Variants in SNAPC1 observed in about 807,000 individuals in gnomAD.
SNAPC1 encodes the protein snRNA-activating protein complex subunit 1.
A neutral mutation model predicts 50.1 loss-of-function variants in SNAPC1; 42 were observed. The observed-to-expected ratio is 0.84, with a 90% CI of 0.65 to 1.08. SNAPC1 has a LOEUF of 1.08. Among genes scored for constraint, SNAPC1 ranks in the 50% least tolerant of loss-of-function variants. The pLI is 0.00. For synonymous variants in SNAPC1, 164 were observed against 144.2 expected (o/e 1.14, Z -0.98); for missense variants, 477 against 427.3 (o/e 1.12, Z -1.02).
chr14:61,772,181 C>T (rs1421271414), intron 4 of SNAPC1, among the ~76,000 whole-genome samples: 1 of 152,114 alleles, frequency 6.6e-6, no homozygotes, highest in East Asian at 1.9e-4. Flanking sequence ...ACTGCACCCT[C>T]AGTCTCCTGG....
intron 8 of SNAPC1, among the ~76,000 whole-genome samples, chr14:61,785,550 C>G (rs2045109736): frequency 6.6e-6 from 1 of 152,160 alleles, no homozygotes; most frequent in South Asian, 2.1e-4. Context: ...AAGGATGTGC[C>G]TGTGATACAA....
intron 1 of SNAPC1, among the ~76,000 whole-genome samples, chr14:61,763,141 GGCAC>G (rs987149623): frequency 2.0e-5 from 3 of 151,416 alleles, no homozygotes; most frequent in African/African-American, 7.3e-5. Context: ...ACAGGTGCCC[GGCAC>G]CACGCCCGGT....
chr14:61,779,433 CTG>C (rs1186278899), intron 7 of SNAPC1, among the ~76,000 whole-genome samples: 17 of 151,912 alleles, frequency 1.1e-4, no homozygotes, highest in Non-Finnish European at 1.0e-4. Flanking sequence ...TTTCCAGTCT[CTG>C]TCTCATTTTC....
At position 61,778,119 on chromosome 14, in the gene SNAPC1, A is replaced by G. The variant is rs2274012; in HGVS notation, c.741A>G (p.Glu247=). 1.9e-3 allele frequency: 3,061 copies of G among 1,604,518 alleles called. 54 individuals carry two copies. The East Asian group carries it at 0.041, about 21-fold the overall frequency. The part of the protein sequence containing the change: ...SKTNDGEEKM[E]GNSQETERCE... ...CTAATGATGGAGAAGAAAAAATGGA[A>G]GGAAATTCACAAGAAACGGAGGTCA... The change falls in exon 6 of 10, where the codon GAA becomes GAG. Residue 247 remains glutamate (E), a synonymous_variant. Transcript: ENST00000216294.
intron 1 of SNAPC1, among the ~76,000 whole-genome samples, chr14:61,765,278 T>C (rs1242378350): frequency 6.6e-6 from 1 of 152,202 alleles, no homozygotes; most frequent in Non-Finnish European, 1.5e-5. Context: ...AGAAAATATA[T>C]GTGAACCTCG....
chr14:61,793,771 C>A (rs1291767754), intron 9 of SNAPC1, among the ~76,000 whole-genome samples: 1 of 151,758 alleles, frequency 6.6e-6, no homozygotes, highest in Non-Finnish European at 1.5e-5. Flanking sequence ...ATTCTCCTGC[C>A]TCAGCCTCCC....
At chr14:61,771,299 T>C (rs1298178742) in intron 4 of SNAPC1, among the ~76,000 whole-genome samples, 1 of 152,178 alleles carries the variant, frequency 6.6e-6, no homozygotes, top group Admixed American at 6.5e-5. Context: ...TATCCGTGAT[T>C]TAAAGTTGAG....
chr14:61,763,485 GC>G lies in SNAPC1; in HGVS notation c.128+898del, dbSNP rs1168642851. 8.9e-3 allele frequency among the ~76,000 whole-genome samples: 757 copies of G among 85,486 alleles called. 4 individuals are homozygous for G. The highest frequency in any genetic ancestry group is 0.032 in the Admixed American group (179 of 5,580). The allele number at this position is 85,486 out of a possible 152,430, so 56.1% of individuals were successfully genotyped here. ...CACTCACTTTCTTGCTCCAGCAGCT[GC>G]TTTTTTTTTTTTTTTTTTTTCTTTG... On this transcript the variant is annotated intron_variant, in intron 1 of 9. Coordinates refer to ENST00000216294, the MANE Select transcript of SNAPC1 (RefSeq NM_003082.4).
intron 1 of SNAPC1, 81 bp downstream of exon 1, chr14:61,762,669 C>T: frequency 1.3e-6 from 2 of 1,530,656 alleles, no homozygotes; most frequent in Non-Finnish European, 1.8e-6. Flanking sequence ...CGATATTGCA[C>T]TTGTGAAGGG....
chr14:61,784,785 G>C (rs1188310326), intron 8 of SNAPC1, among the ~76,000 whole-genome samples: 1 of 152,188 alleles, frequency 6.6e-6, no homozygotes, highest in African/African-American at 2.4e-5. Context: ...AGTGCCTCAT[G>C]TTCAATGGTA....
intron 7 of SNAPC1, among the ~76,000 whole-genome samples, chr14:61,779,752 A>G (rs1594648246): frequency 8.1e-6 from 1 of 123,114 alleles, no homozygotes; most frequent in African/African-American, 3.1e-5. Context: ...CTTGTTGCCC[A>G]GGCTGGAGTG....
chr14:61,796,375 C>A lies in SNAPC1; in HGVS notation c.*1392C>A, dbSNP rs1161488444. ...AATTCGTGATATCTCTATATCTAATCTTTAAAAATCAGAATGCTAATGCTG... is the reference window on the plus strand; with the variant it reads ...AATTCGTGATATCTCTATATCTAATATTTAAAAATCAGAATGCTAATGCTG... On this transcript the variant is annotated 3_prime_UTR_variant, in exon 10 of 10. Transcript: ENST00000216294. 6.6e-6 allele frequency: 1 copy of A among 151,970 alleles called. No homozygotes were observed. The highest frequency in any genetic ancestry group is 1.9e-4 in the East Asian group (1 of 5,190). The allele number at this position is 151,970 out of a possible 1,614,324, so 9.4% of individuals were successfully genotyped here.
At chr14:61,778,360 T>C (rs926192032) in intron 6 of SNAPC1, among the ~76,000 whole-genome samples, 4 of 152,240 alleles carry the variant, frequency 2.6e-5, no homozygotes, top group African/African-American at 9.6e-5. Context: ...AAAGCTTGAC[T>C]ATGGAAAGTG....
At chr14:61,777,738 A>G (rs1005564709) in intron 5 of SNAPC1, among the ~76,000 whole-genome samples, 1 of 151,918 alleles carries the variant, frequency 6.6e-6, no homozygotes, top group South Asian at 2.1e-4. Flanking sequence ...GCCACCATGC[A>G]TAGCTAGTAT....
rs58782943 is a variant in SNAPC1, at chr14:61,773,397, G to GTT, written c.535-2676_535-2675dup. The stretch of plus-strand genomic sequence containing the variant: ...CTGCAGAGAAGGTGGTATTTCCTTA[G>GTT]TTTTTTTTTTTTTTTTTTTTTTTGA... On this transcript the variant is annotated intron_variant, in intron 4 of 9. Transcript: ENST00000216294. Among the ~76,000 whole-genome samples the GTT allele has an allele frequency of 8.7e-3, 865 of 99,224 alleles. 3 individuals are homozygous for GTT. The highest frequency in any genetic ancestry group is 0.011 in the Non-Finnish European group (591 of 51,498). The allele number at this position is 99,224 out of a possible 152,430, so 65.1% of individuals were successfully genotyped here. A position where few individuals can be genotyped will look rare whatever the true frequency, so the allele number is the denominator to read the frequency against.
intron 5 of SNAPC1, 122 bp downstream of exon 5, chr14:61,776,375 G>A: frequency 2.3e-6 from 2 of 856,728 alleles, no homozygotes; most frequent in Non-Finnish European, 3.6e-6. Context: ...AAGATTTATA[G>A]GGCTTGGCTT....
At chr14:61,777,446 C>T (rs2045043001) in intron 5 of SNAPC1, among the ~76,000 whole-genome samples, 1 of 152,122 alleles carries the variant, frequency 6.6e-6, no homozygotes, top group Non-Finnish European at 1.5e-5. Context: ...GGCATGACTG[C>T]AGCTCACTGC....
At chr14:61,779,613 C>G (rs183088445) in intron 7 of SNAPC1, among the ~76,000 whole-genome samples, 13 of 149,484 alleles carry the variant, frequency 8.7e-5, no homozygotes, top group Admixed American at 2.0e-4. Flanking sequence ...AACTTTTTCT[C>G]TTTAAGGATA....
In SNAPC1 at chr14:61,796,119, A is replaced by G. The variant is rs2045187892; in HGVS notation, c.*1136A>G. ...GGGAGGCCGAGGTGGGCGGATCACG[A>G]GGTCAGGAGATCGAGACCATCGTGA... On this transcript the variant is annotated 3_prime_UTR_variant, in exon 10 of 10. Transcript: ENST00000216294. The G allele has an allele frequency of 6.6e-6, 1 of 152,194 alleles. No individual in the cohort carries two copies. The highest frequency in any genetic ancestry group is 2.4e-5 in the African/African-American group (1 of 41,412). The allele number at this position is 152,194 out of a possible 1,614,324, so 9.4% of individuals were successfully genotyped here.
Sources: gnomAD v4.1 joint callset for allele counts (sites outside exome capture counted in the v4.1 genomes callset) on GRCh38, gnomAD v4.1.1 for gene constraint, MANE v1.5 for transcripts, NCBI Gene and HGNC (gene_info 2026-07-23, HGNC 2026-07-21) for gene names.